The following FARS2 variants were observed in gnomAD, a reference collection of about 807,000 sequenced individuals.
FARS2 encodes phenylalanyl-tRNA synthetase 2, mitochondrial, also known as phenylalanine--tRNA ligase, mitochondrial.
A neutral mutation model predicts 46.4 loss-of-function variants in FARS2; 40 were observed. The ratio of observed to expected loss-of-function variants is 0.86; its 90% CI spans 0.67 to 1.12. The LOEUF (loss-of-function observed/expected upper bound fraction) is 1.12. Among genes scored for constraint, FARS2 ranks in the 50% most tolerant of loss-of-function variants. The pLI is 0.00. For missense variants in FARS2, 513 were observed against 567.9 expected (o/e 0.90, Z 0.98); for synonymous variants, 234 against 214.9 (o/e 1.09, Z -0.78).
At chr6:5,755,633 C>G (rs1021050346) in intron 6 of FARS2, among the ~76,000 whole-genome samples, 1 of 151,900 alleles carries the variant, frequency 6.6e-6, no homozygotes, top group Non-Finnish European at 1.5e-5. Context: ...ATCTGAAATC[C>G]TTGGGACACT....
chr6:5,456,693 T>G (rs7768107), intron 4 of FARS2, among the ~76,000 whole-genome samples: 1 of 115,780 alleles, frequency 8.6e-6, no homozygotes, highest in South Asian at 3.0e-4. Flanking sequence ...ATGGCATTAT[T>G]GCACTCCAGC....
At chr6:5,621,422 T>TG (rs2150696485) in intron 6 of FARS2, among the ~76,000 whole-genome samples, 1 of 152,186 alleles carries the variant, frequency 6.6e-6, no homozygotes, top group South Asian at 2.1e-4. Context: ...CTAAATAACA[T>TG]GCGAAAAGTG....
intron 6 of FARS2, among the ~76,000 whole-genome samples, chr6:5,743,210 T>C (rs1301647316): frequency 6.6e-6 from 1 of 152,144 alleles, no homozygotes; most frequent in Non-Finnish European, 1.5e-5. Context: ...CTCTTGAACC[T>C]TTCACTTTTC....
At chr6:5,434,286 A>G (rs545412515) in intron 4 of FARS2, among the ~76,000 whole-genome samples, 2 of 152,008 alleles carry the variant, frequency 1.3e-5, no homozygotes, top group South Asian at 4.2e-4. Flanking sequence ...TAATTTTTGT[A>G]TTTTTAGTAG....
intron 1 of FARS2, among the ~76,000 whole-genome samples, chr6:5,301,848 A>ACACACAC (rs1561943021): frequency 1.7e-3 from 205 of 122,996 alleles, no homozygotes; most frequent in African/African-American, 5.8e-3. Context: ...CACACACACA[A>ACACACAC]AGAAAATGGG....
At chr6:5,275,615 C>T (rs1025107812) in intron 1 of FARS2, among the ~76,000 whole-genome samples, 1 of 151,948 alleles carries the variant, frequency 6.6e-6, no homozygotes, top group African/African-American at 2.4e-5. Flanking sequence ...ATCTTTCATC[C>T]TCCTGCCCTG....
intron 4 of FARS2, among the ~76,000 whole-genome samples, chr6:5,511,183 A>C (rs533202718): frequency 6.6e-6 from 1 of 152,364 alleles, no homozygotes; most frequent in Non-Finnish European, 1.5e-5. Context: ...AGAAAGAATG[A>C]TAGATGCCAA....
intron 1 of FARS2, among the ~76,000 whole-genome samples, chr6:5,268,672 G>C (rs949646205): frequency 2.0e-5 from 3 of 152,292 alleles, no homozygotes; most frequent in African/African-American, 4.8e-5. Context: ...GCTTAGGATT[G>C]ACTTGGCAAT....
At chr6:5,268,754 CT>C (rs1765730109) in intron 1 of FARS2, among the ~76,000 whole-genome samples, 2 of 152,128 alleles carry the variant, frequency 1.3e-5, no homozygotes, top group Non-Finnish European at 2.9e-5. Flanking sequence ...TCATTGGTAG[CT>C]TGATGGGGAT....
intron 3 of FARS2, among the ~76,000 whole-genome samples, chr6:5,407,171 C>T (rs1339112366): frequency 1.3e-5 from 2 of 150,928 alleles, no homozygotes; most frequent in African/African-American, 4.9e-5. Flanking sequence ...TTAAATCTAA[C>T]ATTTTAAATC....
chr6:5,254,312 G>A, the FARS2 span, among the ~76,000 whole-genome samples: 3 of 152,138 alleles, frequency 2.0e-5, no homozygotes, highest in Non-Finnish European at 4.4e-5. Flanking sequence ...ACTTTTTGTA[G>A]GGAAAACGCT....
At chr6:5,688,501 G>A (rs760549472) in intron 6 of FARS2, among the ~76,000 whole-genome samples, 8 of 152,146 alleles carry the variant, frequency 5.3e-5, no homozygotes, top group Non-Finnish European at 8.8e-5. Context: ...GCTGGATTAC[G>A]TTTATCGATT....
chr6:5,753,555 A>T (rs2150967621), intron 6 of FARS2, among the ~76,000 whole-genome samples: 1 of 152,280 alleles, frequency 6.6e-6, no homozygotes, highest in East Asian at 1.9e-4. Flanking sequence ...AGCTGTCAGT[A>T]ACCCAGCCTC....
At chr6:5,509,414 G>A (rs983281078) in intron 4 of FARS2, among the ~76,000 whole-genome samples, 2 of 152,212 alleles carry the variant, frequency 1.3e-5, no homozygotes, top group Admixed American at 6.5e-5. Context: ...CCACGTAGCT[G>A]ATGAAAATGT....
chr6:5,378,032 T>C (rs1019953137), intron 2 of FARS2, among the ~76,000 whole-genome samples: 4 of 152,172 alleles, frequency 2.6e-5, no homozygotes, highest in Non-Finnish European at 5.9e-5. Context: ...TAAAGGGAAA[T>C]CTTTTCGGAA....
intron 3 of FARS2, among the ~76,000 whole-genome samples, chr6:5,417,276 G>C (rs1294837282): frequency 1.3e-5 from 2 of 152,024 alleles, no homozygotes; most frequent in African/African-American, 4.8e-5. Context: ...GAGTGCAATG[G>C]CGTGATCATG....
intron 6 of FARS2, among the ~76,000 whole-genome samples, chr6:5,692,497 C>G (rs1757813049): frequency 1.3e-5 from 2 of 152,154 alleles, no homozygotes; most frequent in African/African-American, 4.8e-5. Context: ...TCACTCTGCA[C>G]CACACACTGG....
chr6:5,525,417 T>C (rs969085684), intron 4 of FARS2, among the ~76,000 whole-genome samples: 1 of 152,120 alleles, frequency 6.6e-6, no homozygotes, highest in African/African-American at 2.4e-5. Context: ...TGCGACATGA[T>C]TCATGCATTT....
intron 4 of FARS2, among the ~76,000 whole-genome samples, chr6:5,482,816 G>A (rs1006880318): frequency 1.3e-5 from 2 of 152,224 alleles, no homozygotes; most frequent in African/African-American, 4.8e-5. Context: ...GGAAAGTTCA[G>A]AGTCAGCACT....
Sources: allele counts gnomAD v4.1 joint callset (sites outside exome capture counted in the v4.1 genomes callset), GRCh38; gene constraint gnomAD v4.1.1; transcripts MANE v1.5; gene names NCBI Gene and HGNC (gene_info 2026-07-23, HGNC 2026-07-21).